SORCS1: variants seen among roughly 807,000 people sequenced by gnomAD.
SORCS1 encodes the protein sortilin related VPS10 domain containing receptor 1.
Under a neutral mutation model 146.1 loss-of-function variants are expected in SORCS1, and 60 were observed. The ratio of observed to expected loss-of-function variants is 0.41; its 90% CI spans 0.33 to 0.51. SORCS1 has a LOEUF of 0.51. Ranked by LOEUF, SORCS1 falls within the 20% of genes least tolerant of loss-of-function variation. The probability of loss-of-function intolerance (pLI) is 0.21; values close to 1 mark genes in which losing one functional copy is unlikely to be tolerated. For synonymous variants in SORCS1, 637 were observed against 584.0 expected (o/e 1.09, Z -1.31); for missense variants, 1,352 against 1,487.6 (o/e 0.91, Z 1.50).
At chr10:106,596,998 T>G (rs1845944595) in intron 24 of SORCS1, among the ~76,000 whole-genome samples, 1 of 152,082 alleles carries the variant, frequency 6.6e-6, no homozygotes, top group Non-Finnish European at 1.5e-5. Flanking sequence ...ACTACAGGCA[T>G]GCACCACCCT....
intron 1 of SORCS1, among the ~76,000 whole-genome samples, chr10:107,107,163 T>C (rs547316499): frequency 6.6e-6 from 1 of 152,148 alleles, no homozygotes; most frequent in Non-Finnish European, 1.5e-5. Context: ...CTAGAAGTGT[T>C]TGGAAGTGCC....
chr10:107,137,820 C>A (rs1450497571), intron 1 of SORCS1, among the ~76,000 whole-genome samples: 2 of 151,386 alleles, frequency 1.3e-5, no homozygotes, highest in East Asian at 3.9e-4. Flanking sequence ...CAAGATCATG[C>A]CATTGCACTC....
At position 107,060,119 on chromosome 10, in the gene SORCS1, A is replaced by G. The variant is rs1414487441; in HGVS notation, c.559-103539T>C. 6.6e-6 allele frequency among the ~76,000 whole-genome samples: 1 copy of G among 151,448 alleles called. No homozygotes were observed. Among genetic ancestry groups the G allele is most frequent in the East Asian group, 1.9e-4 (1 of 5,152 alleles). ...GCTGACAAATCGCCTGCCAGACCTCATCACACACACACACACACAGTATCC... is the reference window on the plus strand; with the variant it reads ...GCTGACAAATCGCCTGCCAGACCTCGTCACACACACACACACACAGTATCC... On this transcript the variant is annotated intron_variant, in intron 1 of 25. Coordinates refer to ENST00000263054, the MANE Select transcript of SORCS1 (RefSeq NM_052918.5). This position sits in a 1 kb window ranked among gnomAD's most constrained non-coding sequence, Gnocchi z 4.1.
In SORCS1 at chr10:106,924,056, A is replaced by G. The variant is rs549536962; in HGVS notation, c.626+32457T>C. ...GATCATCTGAGGTCGGGAGTTCGAG[A>G]CCAGCCTGACCAACATGGAGAAACC... is the stretch of plus-strand genomic sequence containing the variant. On this transcript the variant is annotated intron_variant, in intron 2 of 25. Coordinates refer to ENST00000263054, the MANE Select transcript of SORCS1 (RefSeq NM_052918.5). Among the ~76,000 whole-genome samples the G allele has an allele frequency of 9.2e-5, 14 of 152,268 alleles. 1 individual carries two copies. The South Asian group carries it at 2.9e-3, about 32-fold the overall frequency.
chr10:107,095,859 G>C (rs1169797653), intron 1 of SORCS1, among the ~76,000 whole-genome samples: 1 of 151,880 alleles, frequency 6.6e-6, no homozygotes, highest in Non-Finnish European at 1.5e-5. Context: ...ATATTATAAA[G>C]CCAAATATGA....
chr10:107,097,112 G>A (rs986119584), intron 1 of SORCS1, among the ~76,000 whole-genome samples: 7 of 152,190 alleles, frequency 4.6e-5, no homozygotes, highest in African/African-American at 1.7e-4. Context: ...ATGAATGCAA[G>A]GTTCTGGGAA....
intron 1 of SORCS1, among the ~76,000 whole-genome samples, chr10:107,073,919 G>A (rs897682065): frequency 2.6e-5 from 4 of 152,000 alleles, no homozygotes; most frequent in Non-Finnish European, 5.9e-5. Flanking sequence ...GTTTTAGGTG[G>A]AATGGAAGGT....
chr10:106,755,179 G>A (rs1858542734), intron 5 of SORCS1, among the ~76,000 whole-genome samples: 2 of 152,170 alleles, frequency 1.3e-5, no homozygotes, highest in South Asian at 4.1e-4. Flanking sequence ...TCTTTGTTCA[G>A]TGTCAAATGC....
chr10:107,164,410 G>C lies in SORCS1; in HGVS notation c.117C>G (p.Pro39=). 7.1e-7 allele frequency: 1 copy of C among 1,415,884 alleles called. No homozygotes were observed. Among genetic ancestry groups the C allele is most frequent in the Non-Finnish European group, 9.2e-7 (1 of 1,090,102 alleles). The allele number at this position is 1,415,884 out of a possible 1,614,324, so 87.7% of individuals were successfully genotyped here. A position where few individuals can be genotyped will look rare whatever the true frequency, so the allele number is the denominator to read the frequency against. Residue 39 remains proline, a synonymous_variant, in exon 1 of 26, where the codon CCC becomes CCG. Coordinates refer to ENST00000263054, the MANE Select transcript of SORCS1 (RefSeq NM_052918.5). The surrounding 1 kb of genome is among the most constrained non-coding windows in gnomAD (Gnocchi z 6.8). ...GTGGAGCGGAGCTGGGGTGCGGCGA[G>C]GGGCAGCAGGAGCCGCCGCCGCAGA... The part of the protein sequence containing the change: ...PGVCGGGSCC[P]SPHPSSAPRS...
intron 2 of SORCS1, among the ~76,000 whole-genome samples, chr10:106,897,927 T>C (rs938534192): frequency 6.6e-6 from 1 of 152,248 alleles, no homozygotes; most frequent in African/African-American, 2.4e-5. Flanking sequence ...TATTTTTCAG[T>C]CCTCTGGTGC....
intron 5 of SORCS1, among the ~76,000 whole-genome samples, chr10:106,752,439 A>G (rs906801537): frequency 3.3e-5 from 5 of 152,194 alleles, no homozygotes; most frequent in Non-Finnish European, 7.3e-5. Flanking sequence ...AAAATTAATC[A>G]TTGCTAAAAT....
chr10:106,688,164 G>A (rs367976852), intron 10 of SORCS1, 28 bp downstream of exon 10: 19 of 1,608,298 alleles, frequency 1.2e-5, no homozygotes, highest in Non-Finnish European at 1.4e-5. Flanking sequence ...TACTGTGTGA[G>A]GCATTCTGCT....
chr10:106,904,710 C>G (rs778907219), intron 2 of SORCS1, among the ~76,000 whole-genome samples: 9 of 152,126 alleles, frequency 5.9e-5, no homozygotes, highest in Non-Finnish European at 1.3e-4. Context: ...AAAATCTTAC[C>G]TAATTATCCC....
chr10:107,060,730 CT>C lies in SORCS1; in HGVS notation c.558+103238del, dbSNP rs1336828755. Reference sequence around the variant, plus strand: ...AGTCATGTTTACTCTTAGACAATATCTTTTTACATGAAAAAATGTACTAAAT... The same window carrying C: ...AGTCATGTTTACTCTTAGACAATATCTTTTACATGAAAAAATGTACTAAAT... On this transcript the variant is annotated intron_variant, in intron 1 of 25. Coordinates refer to ENST00000263054, the MANE Select transcript of SORCS1 (RefSeq NM_052918.5). This position sits in a 1 kb window ranked among gnomAD's most constrained non-coding sequence, Gnocchi z 4.1. Among the ~76,000 whole-genome samples, 4 of 152,144 alleles carry C rather than the reference CT, an allele frequency of 2.6e-5. No homozygotes were observed.
intron 1 of SORCS1, among the ~76,000 whole-genome samples, chr10:106,997,035 C>CTT (rs55830068): frequency 1.0e-4 from 15 of 148,410 alleles, no homozygotes; most frequent in Admixed American, 3.3e-4. Flanking sequence ...CTTTAACATC[C>CTT]TTTTTTTTTT....
intron 1 of SORCS1, among the ~76,000 whole-genome samples, chr10:107,003,976 T>C (rs1476522097): frequency 6.6e-5 from 10 of 151,722 alleles, no homozygotes; most frequent in Non-Finnish European, 1.2e-4. Context: ...GAGATCGAGA[T>C]CATCCTGGCT....
chr10:106,781,159 A>G (rs1840743293), intron 3 of SORCS1, among the ~76,000 whole-genome samples: 1 of 152,134 alleles, frequency 6.6e-6, no homozygotes, highest in African/African-American at 2.4e-5. Context: ...TTCTTCCCAG[A>G]GGAATGCTGC....
chr10:106,975,317 A>G (rs1016210081), intron 1 of SORCS1, among the ~76,000 whole-genome samples: 1 of 152,240 alleles, frequency 6.6e-6, no homozygotes, highest in African/African-American at 2.4e-5. Context: ...TACTAGAATG[A>G]AGGTGACAGG....
At chr10:106,995,371 T>C (rs1271518988) in intron 1 of SORCS1, among the ~76,000 whole-genome samples, 1 of 150,026 alleles carries the variant, frequency 6.7e-6, no homozygotes, top group East Asian at 2.0e-4. Flanking sequence ...GCCTTAGAAA[T>C]GAGTTTGAAT....
Sources: gnomAD v4.1 joint callset for allele counts (sites outside exome capture counted in the v4.1 genomes callset) on GRCh38, gnomAD v4.1.1 for gene constraint, Gnocchi (gnomAD v3.1) non-coding constraint, MANE v1.5 for transcripts, NCBI Gene and HGNC (gene_info 2026-07-23, HGNC 2026-07-21) for gene names.